MACROD2: variants seen among roughly 807,000 people sequenced by gnomAD.
MACROD2 encodes mono-ADP ribosylhydrolase 2.
Under a neutral mutation model 70.4 loss-of-function variants are expected in MACROD2, and 36 were observed. The ratio of observed to expected loss-of-function variants is 0.51; its 90% CI spans 0.39 to 0.68. MACROD2 has a LOEUF of 0.68. Ranked by LOEUF, MACROD2 falls within the 30% of genes least tolerant of loss-of-function variation. The probability of loss-of-function intolerance (pLI) is 0.00; values close to 1 mark genes in which losing one functional copy is unlikely to be tolerated. For missense variants in MACROD2, 496 were observed against 538.4 expected (o/e 0.92, Z 0.78); for synonymous variants, 172 against 178.8 (o/e 0.96, Z 0.30).
rs61313049 is a variant in MACROD2 at position 15,222,212 on chromosome 20, G to A, written c.419-7728G>A. Among the ~76,000 whole-genome samples, 230 of 152,262 alleles carry A rather than the reference G, an allele frequency of 1.5e-3. 6 individuals are homozygous for A. The East Asian group carries it at 0.039, about 26-fold the overall frequency. On this transcript the variant is annotated intron_variant, in intron 5 of 17. Coordinates refer to ENST00000684519, the MANE Select transcript of MACROD2 (RefSeq NM_001351661.2). ...CTGAAGAAATGTATGAGAGTAATCC[G>A]AATTTAGAAAAATGCTGCAGGGTGT...
At chr20:14,325,522 A>G in intron 3 of MACROD2, 1 of 1,565,244 alleles carries the variant, frequency 6.4e-7, no homozygotes, top group African/African-American at 1.4e-5. Flanking sequence ...GGTTTAAAAA[A>G]CCCAAAACAC....
chr20:16,035,117 T>A (rs1258199905), intron 15 of MACROD2, among the ~76,000 whole-genome samples: 4 of 25,542 alleles, frequency 1.6e-4, no homozygotes, highest in African/African-American at 2.0e-4. Context: ...ATATAAAATA[T>A]AATATAAAAT....
intron 3 of MACROD2, among the ~76,000 whole-genome samples, chr20:14,419,051 T>G (rs575609990): frequency 3.7e-4 from 56 of 151,892 alleles, no homozygotes; most frequent in South Asian, 1.3e-3. Flanking sequence ...AGGATTTTTT[T>G]TGTTTTGTTT....
chr20:14,524,726 C>G (rs2123186819), intron 4 of MACROD2, among the ~76,000 whole-genome samples: 1 of 152,282 alleles, frequency 6.6e-6, no homozygotes, highest in East Asian at 1.9e-4. Context: ...TTAGAACACT[C>G]ACCCCACCCC....
intron 5 of MACROD2, among the ~76,000 whole-genome samples, chr20:14,946,250 A>G (rs1465307440): frequency 6.6e-6 from 1 of 152,154 alleles, no homozygotes; most frequent in Non-Finnish European, 1.5e-5. Context: ...TTGTGGAATA[A>G]ATGCAAATTA....
intron 2 of MACROD2, among the ~76,000 whole-genome samples, chr20:14,020,047 G>A (rs1381476706): frequency 2.0e-5 from 3 of 152,100 alleles, no homozygotes; most frequent in Non-Finnish European, 4.4e-5. Flanking sequence ...AATGACCAAG[G>A]GCAGTTTGGA....
intron 5 of MACROD2, among the ~76,000 whole-genome samples, chr20:14,730,658 G>A (rs1390242284): frequency 6.6e-6 from 1 of 151,944 alleles, no homozygotes; most frequent in Non-Finnish European, 1.5e-5. Context: ...CTAAAAGGAT[G>A]GCACAAATAT....
intron 17 of MACROD2, among the ~76,000 whole-genome samples, chr20:16,047,231 G>T (rs985485216): frequency 4.6e-5 from 7 of 152,076 alleles, no homozygotes; most frequent in Non-Finnish European, 7.4e-5. Context: ...AGGAACCCTT[G>T]CTCCATGAAT....
chr20:15,354,188 A>G (rs1568743153), intron 6 of MACROD2, among the ~76,000 whole-genome samples: 1 of 152,186 alleles, frequency 6.6e-6, no homozygotes, highest in African/African-American at 2.4e-5. Context: ...TGATGAGTTC[A>G]TGTCCTTTGT....
chr20:14,087,273 G>C (rs988748152), intron 3 of MACROD2, among the ~76,000 whole-genome samples: 2 of 152,072 alleles, frequency 1.3e-5, no homozygotes, highest in African/African-American at 4.8e-5. Context: ...GCGAGTGCCT[G>C]TAGTCCCAGC....
chr20:15,987,427 T>C (rs2066501929), intron 15 of MACROD2, among the ~76,000 whole-genome samples: 1 of 152,162 alleles, frequency 6.6e-6, no homozygotes, highest in Non-Finnish European at 1.5e-5. Flanking sequence ...AATTACAGTA[T>C]TGAGAAAGCC....
intron 15 of MACROD2, among the ~76,000 whole-genome samples, chr20:16,006,865 AAAC>A (rs1402755629): frequency 3.9e-5 from 6 of 152,196 alleles, no homozygotes; most frequent in Non-Finnish European, 4.4e-5. Context: ...ACCAATGCCA[AAAC>A]ATTTGATTAG....
intron 5 of MACROD2, among the ~76,000 whole-genome samples, chr20:15,096,676 T>G (rs931808294): frequency 6.6e-6 from 1 of 151,398 alleles, no homozygotes; most frequent in Admixed American, 6.6e-5. Context: ...TGTGCCCAGC[T>G]AATTTTTATA....
chr20:15,623,499 G>C (rs2049156410), intron 8 of MACROD2, among the ~76,000 whole-genome samples: 1 of 152,166 alleles, frequency 6.6e-6, no homozygotes. Context: ...GGGGAGAGTA[G>C]CTGGAAGCCA....
intron 8 of MACROD2, among the ~76,000 whole-genome samples, chr20:15,707,557 G>A (rs959190736): frequency 6.6e-6 from 1 of 152,180 alleles, no homozygotes; most frequent in African/African-American, 2.4e-5. Flanking sequence ...GCCAAGTCGG[G>A]CGGATTACTT....
intron 4 of MACROD2, among the ~76,000 whole-genome samples, chr20:14,649,043 A>G (rs1985542008): frequency 6.6e-6 from 1 of 152,152 alleles, no homozygotes; most frequent in Non-Finnish European, 1.5e-5. Context: ...AGTCCTGTGT[A>G]TGTTTGTGAA....
intron 8 of MACROD2, among the ~76,000 whole-genome samples, chr20:15,521,840 T>C (rs1009403232): frequency 8.5e-5 from 13 of 152,204 alleles, no homozygotes; most frequent in African/African-American, 3.1e-4. Flanking sequence ...GGGATTTTCT[T>C]TGGAGCACAA....
intron 2 of MACROD2, among the ~76,000 whole-genome samples, chr20:14,033,385 CTTCT>C (rs1337909108): frequency 2.0e-5 from 3 of 151,994 alleles, no homozygotes; most frequent in African/African-American, 7.2e-5. Context: ...CCCTCTCATC[CTTCT>C]GTTTTAGATT....
At chr20:14,781,639 A>G (rs113591371) in intron 5 of MACROD2, among the ~76,000 whole-genome samples, 1 of 151,598 alleles carries the variant, frequency 6.6e-6, no homozygotes, top group African/African-American at 2.4e-5. Context: ...ATTTATTTAT[A>G]TTTCACATTG....
Sources: gnomAD v4.1 joint callset for allele counts (sites outside exome capture counted in the v4.1 genomes callset) on GRCh38, gnomAD v4.1.1 for gene constraint, MANE v1.5 for transcripts, NCBI Gene and HGNC (gene_info 2026-07-23, HGNC 2026-07-21) for gene names.